Variants in SSH2 observed in about 807,000 individuals in gnomAD.
The protein encoded by SSH2 is protein phosphatase Slingshot homolog 2.
In SSH2, 37 loss-of-function variants were observed where a neutral mutation model predicts 135.2. That is an observed-to-expected ratio of 0.27 (90% confidence interval 0.21 to 0.36). SSH2 has a LOEUF of 0.36. Among genes scored for constraint, SSH2 ranks in the 10% least tolerant of loss-of-function variants. The pLI is 1.00. For missense variants in SSH2, 1,408 were observed against 1,765.3 expected (o/e 0.80, Z 3.63); for synonymous variants, 628 against 646.2 (o/e 0.97, Z 0.43).
intron 1 of SSH2, among the ~76,000 whole-genome samples, chr17:29,874,138 CA>C (rs2065986669): frequency 6.6e-6 from 1 of 151,872 alleles, no homozygotes; most frequent in African/African-American, 2.4e-5. Flanking sequence ...ACAGAAAATA[CA>C]AAAATTAGCT....
chr17:29,800,022 T>A (rs2042222459), intron 2 of SSH2, among the ~76,000 whole-genome samples: 1 of 152,242 alleles, frequency 6.6e-6, no homozygotes, highest in Non-Finnish European at 1.5e-5. Flanking sequence ...ATCCTTTGCA[T>A]CTTTCCTCTA....
chr17:29,696,176 C>T (rs192055829), intron 4 of SSH2, among the ~76,000 whole-genome samples: 4,308 of 88,770 alleles, frequency 0.049, 89 homozygotes, highest in African/African-American at 0.1. Flanking sequence ...TATATATATA[C>T]ACACACACAC....
intron 3 of SSH2, among the ~76,000 whole-genome samples, chr17:29,758,149 AGT>A (rs1290199195): frequency 6.6e-6 from 1 of 152,228 alleles, no homozygotes; most frequent in Non-Finnish European, 1.5e-5. Flanking sequence ...AGTTTGTCTT[AGT>A]AGGAAAACTC....
intron 3 of SSH2, among the ~76,000 whole-genome samples, chr17:29,781,530 A>C (rs1436395799): frequency 7.7e-6 from 1 of 130,094 alleles, no homozygotes. Flanking sequence ...CCCGGGCTAG[A>C]GTGCAATGGC....
intron 1 of SSH2, among the ~76,000 whole-genome samples, chr17:29,861,555 C>A (rs1169920281): frequency 1.4e-5 from 2 of 146,748 alleles, no homozygotes; most frequent in African/African-American, 4.9e-5. Context: ...TTCTGCCCAC[C>A]ACCATAATCT....
intron 1 of SSH2, among the ~76,000 whole-genome samples, chr17:29,870,775 C>G (rs1251272776): frequency 6.6e-6 from 1 of 152,184 alleles, no homozygotes; most frequent in African/African-American, 2.4e-5. Flanking sequence ...TACTGAACTA[C>G]CATGCCTTCA....
chr17:29,823,586 A>G (rs891393266), intron 2 of SSH2, among the ~76,000 whole-genome samples: 8 of 152,116 alleles, frequency 5.3e-5, no homozygotes, highest in African/African-American at 1.7e-4. Context: ...GGGCACCAAT[A>G]TTCCACACTG....
intron 3 of SSH2, among the ~76,000 whole-genome samples, chr17:29,765,585 A>T (rs2041424283): frequency 6.6e-6 from 1 of 152,216 alleles, no homozygotes; most frequent in Non-Finnish European, 1.5e-5. Flanking sequence ...AAAGTGGACA[A>T]CATTAGAAAG....
chr17:29,832,554 T>C (rs1250639734), intron 2 of SSH2, among the ~76,000 whole-genome samples: 2 of 152,250 alleles, frequency 1.3e-5, no homozygotes, highest in African/African-American at 2.4e-5. Context: ...TTCAGGAGCA[T>C]ACTGTTTAAT....
At chr17:29,911,968 C>A (rs1169828459) in intron 1 of SSH2, among the ~76,000 whole-genome samples, 1 of 152,190 alleles carries the variant, frequency 6.6e-6, no homozygotes, top group Non-Finnish European at 1.5e-5. Context: ...CTTGCTGTCA[C>A]TCAATGATTA....
At chr17:29,873,132 A>G (rs1256904909) in intron 1 of SSH2, among the ~76,000 whole-genome samples, 1 of 152,226 alleles carries the variant, frequency 6.6e-6, no homozygotes, top group Non-Finnish European at 1.5e-5. Context: ...CAAGCAAGCC[A>G]ACCTGCAAGC....
chr17:29,902,953 A>G (rs945871755), intron 1 of SSH2, among the ~76,000 whole-genome samples: 1 of 152,110 alleles, frequency 6.6e-6, no homozygotes, highest in Non-Finnish European at 1.5e-5. Context: ...TGGGAAGCCG[A>G]GGCGGGAAGA....
At chr17:29,642,507 A>G (rs1170880194) in intron 14 of SSH2, among the ~76,000 whole-genome samples, 1 of 152,106 alleles carries the variant, frequency 6.6e-6, no homozygotes, top group African/African-American at 2.4e-5. Flanking sequence ...AGTGCAGAAT[A>G]ACAAACAGGG....
chr17:29,898,377 C>T (rs1355867242), intron 1 of SSH2, among the ~76,000 whole-genome samples: 6 of 151,618 alleles, frequency 4.0e-5, no homozygotes, highest in East Asian at 1.9e-4. Flanking sequence ...ATTGATAGAC[C>T]GCTAGCAAGA....
chr17:29,719,025 G>T (rs1392286845), intron 3 of SSH2, among the ~76,000 whole-genome samples: 2 of 152,134 alleles, frequency 1.3e-5, no homozygotes, highest in Non-Finnish European at 2.9e-5. Flanking sequence ...ATATAGGTCA[G>T]CCCTATTTAG....
intron 9 of SSH2, among the ~76,000 whole-genome samples, chr17:29,671,066 T>C (rs2037472396): frequency 6.6e-6 from 1 of 152,216 alleles, no homozygotes; most frequent in South Asian, 2.1e-4. Context: ...ACCTTAGGCC[T>C]TTATCTAACT....
chr17:29,913,350 A>AAAAAT (rs2066813780), intron 1 of SSH2, among the ~76,000 whole-genome samples: 1 of 30,876 alleles, frequency 3.2e-5, no homozygotes, highest in African/African-American at 1.1e-4. Context: ...AAAAAAAAAT[A>AAAAAT]TATATATATA....
intron 6 of SSH2, among the ~76,000 whole-genome samples, chr17:29,682,498 C>T (rs544508003): frequency 2.8e-4 from 43 of 152,244 alleles, no homozygotes; most frequent in Non-Finnish European, 4.7e-4. Flanking sequence ...TAAAAAGACA[C>T]GTGCATGCTG....
At chr17:29,686,198 C>G (rs1377412620) in intron 5 of SSH2, among the ~76,000 whole-genome samples, 1 of 152,036 alleles carries the variant, frequency 6.6e-6, no homozygotes, top group Non-Finnish European at 1.5e-5. Flanking sequence ...AAAACAACTA[C>G]AGGCAACACA....
Sources: allele counts gnomAD v4.1 joint callset (sites outside exome capture counted in the v4.1 genomes callset), GRCh38; gene constraint gnomAD v4.1.1; transcripts MANE v1.5; gene names NCBI Gene and HGNC (gene_info 2026-07-23, HGNC 2026-07-21).